FAM110B: variants seen among roughly 807,000 people sequenced by gnomAD.
FAM110B encodes family with sequence similarity 110 member B.
A neutral mutation model predicts 20.4 loss-of-function variants in FAM110B; 6 were observed. The ratio of observed to expected loss-of-function variants is 0.29; its 90% CI spans 0.16 to 0.58. FAM110B has a LOEUF of 0.58. FAM110B is among the 20% of genes least tolerant of loss of function. The pLI is 0.90. For synonymous variants in FAM110B, 226 were observed against 214.1 expected, an observed-to-expected ratio of 1.06 and a Z score of -0.49; for missense variants, 434 against 498.2, an observed-to-expected ratio of 0.87 and a Z score of 1.23.
chr8:58,092,835 A>G (rs1190767131), intron 3 of FAM110B, among the ~76,000 whole-genome samples: 2 of 152,178 alleles, frequency 1.3e-5, no homozygotes, highest in East Asian at 1.9e-4. Flanking sequence ...GTCTTCCACA[A>G]TGGTTGAACT....
chr8:58,047,672 T>A (rs1321982221), intron 2 of FAM110B, among the ~76,000 whole-genome samples: 9 of 147,360 alleles, frequency 6.1e-5, no homozygotes, highest in African/African-American at 2.2e-4. Context: ...TTAGTAAATA[T>A]CTGAAGAGGT....
chr8:58,126,201 A>G (rs1311491297), intron 3 of FAM110B, among the ~76,000 whole-genome samples: 2 of 152,178 alleles, frequency 1.3e-5, no homozygotes, highest in African/African-American at 4.8e-5. Flanking sequence ...TTCCTCAGAT[A>G]CATCCCAGTC....
chr8:58,042,747 A>G (rs1244708660), intron 2 of FAM110B, among the ~76,000 whole-genome samples: 1 of 152,224 alleles, frequency 6.6e-6, no homozygotes, highest in Non-Finnish European at 1.5e-5. Context: ...GTTTTCTACT[A>G]TCTAAAACTG....
intron 3 of FAM110B, among the ~76,000 whole-genome samples, chr8:58,128,026 A>C (rs1807554930): frequency 6.6e-6 from 1 of 152,208 alleles, no homozygotes; most frequent in African/African-American, 2.4e-5. Context: ...CTCACAATAC[A>C]CAAGTACTGT....
intron 3 of FAM110B, among the ~76,000 whole-genome samples, chr8:58,122,315 T>G (rs988357376): frequency 6.6e-6 from 1 of 152,098 alleles, no homozygotes; most frequent in Non-Finnish European, 1.5e-5. Context: ...TTTTGTTTCT[T>G]TATTCTCTAG....
At chr8:58,033,725 C>T (rs1805018386) in intron 2 of FAM110B, among the ~76,000 whole-genome samples, 2 of 152,168 alleles carry the variant, frequency 1.3e-5, no homozygotes, top group African/African-American at 4.8e-5. Flanking sequence ...TACCATCTCA[C>T]AGCAGTCAGA....
chr8:58,113,910 A>G (rs1269236236), intron 3 of FAM110B, among the ~76,000 whole-genome samples: 1 of 152,258 alleles, frequency 6.6e-6, no homozygotes, highest in Non-Finnish European at 1.5e-5. Context: ...AAAGCAGAGT[A>G]TAAGTGACTT....
At chr8:58,034,076 T>C (rs562088293) in intron 2 of FAM110B, among the ~76,000 whole-genome samples, 1 of 152,306 alleles carries the variant, frequency 6.6e-6, no homozygotes, top group South Asian at 2.1e-4. Flanking sequence ...ACCAAGAGCC[T>C]GAGTAACAAA....
rs147814802 is a variant in FAM110B at position 58,088,926 on chromosome 8, A to G, written c.-325+13303A>G. Among the ~76,000 whole-genome samples the G allele has an allele frequency of 2.9e-3, 446 of 152,354 alleles. 4 individuals are homozygous for G. The highest frequency in any genetic ancestry group is 9.5e-3 in the African/African-American group (396 of 41,584). On this transcript the variant is annotated intron_variant, in intron 3 of 3. Coordinates refer to ENST00000519262, the MANE Select transcript of FAM110B (RefSeq NM_001377989.1). ...ACAAGAGTTTTATATTCTCATGTAT[A>G]TAAATACTGCCTTTGACAGGATAAG...
chr8:58,081,220 T>A (rs996009335), intron 3 of FAM110B, among the ~76,000 whole-genome samples: 2 of 152,148 alleles, frequency 1.3e-5, no homozygotes, highest in African/African-American at 4.8e-5. Context: ...TTATTTTTAT[T>A]TTTTGAGACA....
intron 3 of FAM110B, among the ~76,000 whole-genome samples, chr8:58,111,574 C>T (rs888656441): frequency 1.3e-5 from 2 of 151,922 alleles, no homozygotes; most frequent in Non-Finnish European, 2.9e-5. Context: ...GCTAAGATAG[C>T]AGCCGTGAAT....
chr8:58,053,462 C>G (rs187682937), intron 2 of FAM110B, among the ~76,000 whole-genome samples: 1 of 152,122 alleles, frequency 6.6e-6, no homozygotes, highest in Non-Finnish European at 1.5e-5. Flanking sequence ...GGTGGGGTCA[C>G]GTTTAGGAGA....
At chr8:58,069,460 G>T (rs1805842392) in intron 2 of FAM110B, among the ~76,000 whole-genome samples, 1 of 152,206 alleles carries the variant, frequency 6.6e-6, no homozygotes, top group African/African-American at 2.4e-5. Flanking sequence ...CTGTGAGAAC[G>T]CATGTTTTTC....
intron 3 of FAM110B, among the ~76,000 whole-genome samples, chr8:58,095,322 T>A (rs1201759528): frequency 6.6e-6 from 1 of 152,222 alleles, no homozygotes; most frequent in Non-Finnish European, 1.5e-5. Context: ...TTCTTTTAAT[T>A]GTGATGTTAG....
intron 3 of FAM110B, among the ~76,000 whole-genome samples, chr8:58,108,113 C>T (rs1021889236): frequency 3.9e-5 from 6 of 152,064 alleles, no homozygotes; most frequent in African/African-American, 1.4e-4. Flanking sequence ...GTATTTTATC[C>T]TTCATGTTCA....
chr8:58,081,751 A>T (rs560461394), intron 3 of FAM110B, among the ~76,000 whole-genome samples: 46 of 151,836 alleles, frequency 3.0e-4, no homozygotes, highest in African/African-American at 1.1e-3. Flanking sequence ...GAGTTCCTTT[A>T]GTGCCCGTTT....
At chr8:58,058,699 C>A (rs921630718) in intron 2 of FAM110B, among the ~76,000 whole-genome samples, 1 of 151,978 alleles carries the variant, frequency 6.6e-6, no homozygotes, top group Non-Finnish European at 1.5e-5. Context: ...TTAAATAAGA[C>A]ATTGAAAGGT....
intron 2 of FAM110B, among the ~76,000 whole-genome samples, chr8:58,036,673 A>G (rs968071674): frequency 1.3e-5 from 2 of 152,228 alleles, no homozygotes; most frequent in Non-Finnish European, 2.9e-5. Flanking sequence ...TCTTGCACAC[A>G]TGTGCACATG....
At chr8:58,102,217 C>A (rs1475640843) in intron 3 of FAM110B, among the ~76,000 whole-genome samples, 1 of 152,172 alleles carries the variant, frequency 6.6e-6, no homozygotes, top group African/African-American at 2.4e-5. Flanking sequence ...AGTCATCCTG[C>A]CTCAGTTACA....
Sources: gnomAD v4.1 joint callset for allele counts (sites outside exome capture counted in the v4.1 genomes callset) on GRCh38, gnomAD v4.1.1 for gene constraint, MANE v1.5 for transcripts, NCBI Gene and HGNC (gene_info 2026-07-23, HGNC 2026-07-21) for gene names.